NRG3: variants seen among roughly 807,000 people sequenced by gnomAD.
NRG3 encodes pro-neuregulin-3, membrane-bound isoform.
NRG3 carries 31 observed loss-of-function variants against 66.9 expected under a neutral mutation model. The observed-to-expected ratio is 0.46, with a 90% CI of 0.35 to 0.63. The LOEUF (loss-of-function observed/expected upper bound fraction) is 0.63. NRG3 is among the 20% of genes least tolerant of loss of function. The probability of loss-of-function intolerance (pLI) is 0.00; values close to 1 mark genes in which losing one functional copy is unlikely to be tolerated. For synonymous variants in NRG3, 393 were observed against 359.4 expected, an observed-to-expected ratio of 1.09 and a Z score of -1.06; for missense variants, 910 against 878.9, an observed-to-expected ratio of 1.04 and a Z score of -0.45.
chr10:82,980,761 T>C (rs930822797), intron 8 of NRG3, among the ~76,000 whole-genome samples: 9 of 152,146 alleles, frequency 5.9e-5, no homozygotes, highest in African/African-American at 9.7e-5. Flanking sequence ...AGGGTGACAG[T>C]TGCAAAGTAA....
At chr10:82,951,323 A>G (rs1849494568) in intron 4 of NRG3, 146 bp from the exon 5 acceptor site, 1 of 600,242 alleles carries the variant, frequency 1.7e-6, no homozygotes, top group African/African-American at 1.9e-5. Context: ...TTGAATCATA[A>G]TAAGTTCCTT....
chr10:81,891,357 AGCAATGTGCTGTTG>A (rs1842995540), intron 1 of NRG3, among the ~76,000 whole-genome samples: 1 of 152,216 alleles, frequency 6.6e-6, no homozygotes, highest in Non-Finnish European at 1.5e-5. Flanking sequence ...TGGCATGGAC[AGCAATGTGCTGTTG>A]GCAATATGGC....
At chr10:82,917,394 C>A (rs1845943774) in intron 4 of NRG3, among the ~76,000 whole-genome samples, 1 of 152,168 alleles carries the variant, frequency 6.6e-6, no homozygotes, top group Admixed American at 6.5e-5. Context: ...AAGCGACAGT[C>A]CAAGTTGAAA....
At chr10:82,743,483 A>G (rs571707281) in intron 3 of NRG3, among the ~76,000 whole-genome samples, 28 of 152,208 alleles carry the variant, frequency 1.8e-4, no homozygotes, top group African/African-American at 6.5e-4. Flanking sequence ...AAGTCCCTAA[A>G]GAAAAGAAAA....
At chr10:82,235,533 T>G (rs1054519000) in intron 1 of NRG3, among the ~76,000 whole-genome samples, 13 of 152,186 alleles carry the variant, frequency 8.5e-5, no homozygotes, top group Non-Finnish European at 1.6e-4. Context: ...AAAGAAAGCT[T>G]TTTGTGACCT....
chr10:81,902,756 A>G (rs1844199624), intron 1 of NRG3, among the ~76,000 whole-genome samples: 1 of 152,224 alleles, frequency 6.6e-6, no homozygotes, highest in South Asian at 2.1e-4. Flanking sequence ...AGGTAGCCAC[A>G]GGGTGCAGGG....
chr10:82,408,046 C>CGA (rs536927208), intron 2 of NRG3, among the ~76,000 whole-genome samples: 2,717 of 54,268 alleles, frequency 0.05, 244 homozygotes, highest in Middle Eastern at 0.1. Context: ...AAGACTACAT[C>CGA]GAGAGAGAGA....
At chr10:82,469,821 G>C (rs763362370) in intron 2 of NRG3, among the ~76,000 whole-genome samples, 1 of 152,064 alleles carries the variant, frequency 6.6e-6, no homozygotes, top group African/African-American at 2.4e-5. Context: ...TGGTGAAAAT[G>C]AATGGATATT....
At chr10:81,899,085 T>C (rs1843784886) in intron 1 of NRG3, among the ~76,000 whole-genome samples, 1 of 152,242 alleles carries the variant, frequency 6.6e-6, no homozygotes, top group South Asian at 2.1e-4. Context: ...AATAGTATTT[T>C]AAAAGAGATT....
At chr10:82,953,913 G>A (rs1338530120) in intron 5 of NRG3, among the ~76,000 whole-genome samples, 1 of 149,824 alleles carries the variant, frequency 6.7e-6, no homozygotes, top group Non-Finnish European at 1.5e-5. Context: ...AGCCAAGATC[G>A]CACGACTGCA....
intron 2 of NRG3, among the ~76,000 whole-genome samples, chr10:82,438,689 T>C (rs2090276104): frequency 6.6e-6 from 1 of 152,150 alleles, no homozygotes; most frequent in Non-Finnish European, 1.5e-5. Context: ...GATCTTCCCT[T>C]CCATGGGTTG....
chr10:82,616,554 T>C (rs1456081336), intron 2 of NRG3, among the ~76,000 whole-genome samples: 1 of 152,224 alleles, frequency 6.6e-6, no homozygotes, highest in East Asian at 1.9e-4. Flanking sequence ...TTATCTCAGG[T>C]GTCAACATTA....
At chr10:82,640,490 C>A (rs1832586) in intron 2 of NRG3, among the ~76,000 whole-genome samples, 107,038 of 151,950 alleles carry the variant, frequency 0.7, 38,001 homozygotes, top group East Asian at 0.84. Context: ...GCAAATCCAT[C>A]ATCAGGTAGT....
chr10:82,806,923 G>A (rs1459652905), intron 3 of NRG3, among the ~76,000 whole-genome samples: 1 of 152,104 alleles, frequency 6.6e-6, no homozygotes, highest in Non-Finnish European at 1.5e-5. Flanking sequence ...TTTTATTTTT[G>A]AAGCACATCT....
chr10:81,894,379 T>C (rs1268949324), intron 1 of NRG3, among the ~76,000 whole-genome samples: 1 of 152,126 alleles, frequency 6.6e-6, no homozygotes, highest in Admixed American at 6.6e-5. Flanking sequence ...TTTTCTAACA[T>C]TTCTGGAGAC....
chr10:82,275,337 A>AT (rs2078791793), intron 1 of NRG3, among the ~76,000 whole-genome samples: 1 of 151,928 alleles, frequency 6.6e-6, no homozygotes, highest in Non-Finnish European at 1.5e-5. Context: ...CTTGGACAGT[A>AT]TCTCCTTAGG....
chr10:82,596,297 G>T (rs1465361221), intron 2 of NRG3, among the ~76,000 whole-genome samples: 3 of 152,180 alleles, frequency 2.0e-5, no homozygotes, highest in Admixed American at 6.5e-5. Flanking sequence ...AATTGGAAAT[G>T]GAGGACCTGT....
At chr10:82,274,042 C>T (rs2078725288) in intron 1 of NRG3, among the ~76,000 whole-genome samples, 1 of 151,886 alleles carries the variant, frequency 6.6e-6, no homozygotes, top group Non-Finnish European at 1.5e-5. Flanking sequence ...TCCAGTTGCG[C>T]CTGCCTCATT....
chr10:82,942,394 T>A (rs1169101807), intron 4 of NRG3, among the ~76,000 whole-genome samples: 3 of 152,216 alleles, frequency 2.0e-5, no homozygotes, highest in Admixed American at 6.5e-5. Flanking sequence ...CTGTTGCAGT[T>A]TCCAAAAGAA....
Sources: gnomAD v4.1 joint callset for allele counts (sites outside exome capture counted in the v4.1 genomes callset) on GRCh38, gnomAD v4.1.1 for gene constraint, MANE v1.5 for transcripts, NCBI Gene and HGNC (gene_info 2026-07-23, HGNC 2026-07-21) for gene names.